The following RGS6 variants were observed in gnomAD, a reference collection of about 807,000 sequenced individuals.
RGS6 encodes regulator of G protein signaling 6, also known as regulator of G-protein signaling 6.
RGS6 carries 30 observed loss-of-function variants against 78.5 expected under a neutral mutation model. The observed-to-expected ratio is 0.38, with a 90% confidence interval of 0.29 to 0.52. RGS6 has a LOEUF of 0.52. RGS6 is among the 20% of genes least tolerant of loss of function. RGS6 has a pLI of 0.85. For synonymous variants in RGS6, 206 were observed against 206.0 expected (o/e 1.00, Z 0.00); for missense variants, 495 against 609.7 (o/e 0.81, Z 1.98).
At chr14:72,011,288 A>G (rs2085647187) in intron 2 of RGS6, among the ~76,000 whole-genome samples, 1 of 152,162 alleles carries the variant, frequency 6.6e-6, no homozygotes, top group Non-Finnish European at 1.5e-5. Context: ...TTTGTTTCAA[A>G]GGGTTCTAGT....
intron 17 of RGS6, among the ~76,000 whole-genome samples, chr14:72,560,213 G>A (rs1442671866): frequency 2.0e-5 from 3 of 152,172 alleles, no homozygotes; most frequent in Non-Finnish European, 4.4e-5. Context: ...TGGCCCTGGC[G>A]AAGGAGGGAT....
chr14:72,351,644 A>G (rs1024064762), intron 2 of RGS6, among the ~76,000 whole-genome samples: 1 of 152,184 alleles, frequency 6.6e-6, no homozygotes, highest in East Asian at 1.9e-4. Context: ...GCAATTCCCA[A>G]TAGCAGCATG....
chr14:72,306,418 A>C (rs965877436), intron 2 of RGS6, among the ~76,000 whole-genome samples: 3 of 152,220 alleles, frequency 2.0e-5, no homozygotes, highest in Non-Finnish European at 4.4e-5. Flanking sequence ...CTTATTATTT[A>C]AGAAATATAC....
chr14:72,026,091 T>G (rs546667999), intron 2 of RGS6, among the ~76,000 whole-genome samples: 41 of 152,258 alleles, frequency 2.7e-4, no homozygotes, highest in African/African-American at 9.6e-4. Context: ...TGAAACTGAT[T>G]GTTTCATAGC....
At chr14:72,160,089 A>G (rs550407232) in intron 2 of RGS6, among the ~76,000 whole-genome samples, 125 of 152,348 alleles carry the variant, frequency 8.2e-4, no homozygotes, top group Admixed American at 1.5e-3. Context: ...AAATGGCTCA[A>G]TATTGCCTGG....
intron 2 of RGS6, among the ~76,000 whole-genome samples, chr14:72,236,466 C>T (rs931850946): frequency 1.2e-4 from 19 of 152,182 alleles, no homozygotes; most frequent in African/African-American, 4.3e-4. Flanking sequence ...TGAGTTTTGA[C>T]AAATGCATAC....
intron 2 of RGS6, among the ~76,000 whole-genome samples, chr14:72,304,147 C>T (rs2066713742): frequency 6.6e-6 from 1 of 152,082 alleles, no homozygotes; most frequent in Non-Finnish European, 1.5e-5. Flanking sequence ...TTGTGGTTTG[C>T]TCTGCTGTGG....
chr14:72,428,105 G>A (rs191312854), intron 3 of RGS6, among the ~76,000 whole-genome samples: 9 of 152,306 alleles, frequency 5.9e-5, no homozygotes, highest in African/African-American at 2.2e-4. Flanking sequence ...TCTCACCAAT[G>A]GAGCCAGAGA....
At chr14:71,914,737 A>C in the RGS6 span, among the ~76,000 whole-genome samples, 4 of 152,040 alleles carry the variant, frequency 2.6e-5, no homozygotes, top group Non-Finnish European at 5.9e-5. Flanking sequence ...CTGTGGTACC[A>C]ACTTCTTTAC....
At chr14:71,941,001 G>A (rs1205737770) in intron 1 of RGS6, among the ~76,000 whole-genome samples, 2 of 151,390 alleles carry the variant, frequency 1.3e-5, no homozygotes, top group South Asian at 2.1e-4. Context: ...CCACAATTTC[G>A]GCTCTTTCTC....
chr14:71,873,895 G>C, the RGS6 span, among the ~76,000 whole-genome samples: 5 of 152,236 alleles, frequency 3.3e-5, no homozygotes, highest in East Asian at 9.7e-4. Context: ...TTATTAAATT[G>C]GGAATCCTTT....
intron 3 of RGS6, among the ~76,000 whole-genome samples, chr14:72,411,335 G>T (rs962867346): frequency 6.6e-6 from 1 of 152,188 alleles, no homozygotes; most frequent in Non-Finnish European, 1.5e-5. Flanking sequence ...TGAAGCAATT[G>T]TGAATGGGAG....
the RGS6 span, among the ~76,000 whole-genome samples, chr14:71,905,499 C>G: frequency 6.6e-6 from 1 of 151,136 alleles, no homozygotes; most frequent in Non-Finnish European, 1.5e-5. Flanking sequence ...TTTCTTTTCT[C>G]TTTTTTTTTG....
chr14:71,926,518 A>T, the RGS6 span, among the ~76,000 whole-genome samples: 1 of 143,876 alleles, frequency 7.0e-6, no homozygotes, highest in African/African-American at 2.6e-5. Flanking sequence ...CAGGAGGCGG[A>T]GGTTGCAGTG....
At chr14:72,411,959 T>A (rs1402632470) in intron 3 of RGS6, among the ~76,000 whole-genome samples, 1 of 152,212 alleles carries the variant, frequency 6.6e-6, no homozygotes, top group African/African-American at 2.4e-5. Flanking sequence ...TGTTGCTGGA[T>A]TCGGTTTGCC....
the RGS6 span, among the ~76,000 whole-genome samples, chr14:72,628,449 G>A: frequency 6.6e-6 from 1 of 151,976 alleles, no homozygotes; most frequent in African/African-American, 2.4e-5. Flanking sequence ...TTATCTTCCT[G>A]GAATTACTCC....
rs1031560199 is a variant in RGS6, at chr14:72,371,446, A to G, written c.184+19252A>G. Among the ~76,000 whole-genome samples the G allele has an allele frequency of 3.9e-5, 6 of 152,296 alleles. No individual in the cohort carries two copies. The South Asian group carries it at 1.2e-3, about 32-fold the overall frequency. On this transcript the variant is annotated intron_variant, in intron 3 of 17. Transcript: ENST00000553525. Reference sequence around the variant, plus strand: ...TACAAACCCCTAATTGTACTCTAAAATTTCTTTTTAAACGTTTCTATTAAA... The same window carrying G: ...TACAAACCCCTAATTGTACTCTAAAGTTTCTTTTTAAACGTTTCTATTAAA...
chr14:72,579,920 A>C, the RGS6 span, among the ~76,000 whole-genome samples: 103 of 152,330 alleles, frequency 6.8e-4, no homozygotes, highest in African/African-American at 2.2e-3. Flanking sequence ...GCACGAATTG[A>C]ATCATAGAGA....
intron 3 of RGS6, among the ~76,000 whole-genome samples, chr14:72,445,980 C>T (rs1015140837): frequency 3.9e-5 from 6 of 152,122 alleles, no homozygotes; most frequent in Non-Finnish European, 7.4e-5. Flanking sequence ...AAATTTGGGC[C>T]AGTCATCGTG....
Sources: gnomAD v4.1 joint callset for allele counts (sites outside exome capture counted in the v4.1 genomes callset) on GRCh38, gnomAD v4.1.1 for gene constraint, MANE v1.5 for transcripts, NCBI Gene and HGNC (gene_info 2026-07-23, HGNC 2026-07-21) for gene names.